The following UGT1A6 variants were observed in gnomAD, a reference collection of about 807,000 sequenced individuals.
UGT1A6 encodes UDP glucuronosyltransferase family 1 member A6, also known as UDP-glucuronosyltransferase 1A6.
UGT1A6 carries 32 observed loss-of-function variants against 44.4 expected under a neutral mutation model. The ratio of observed to expected loss-of-function variants is 0.72; its 90% CI spans 0.54 to 0.97. The LOEUF is 0.97. UGT1A6 is among the 50% of genes least tolerant of loss of function. The probability of loss-of-function intolerance (pLI) is 0.00; values close to 1 mark genes in which losing one functional copy is unlikely to be tolerated. For missense variants in UGT1A6, 685 were observed against 661.9 expected (o/e 1.03, Z -0.38); for synonymous variants, 238 against 248.5 (o/e 0.96, Z 0.40).
At position 233,693,494 on chromosome 2, in the gene UGT1A6, G is replaced by A. The variant is rs1459595620; in HGVS notation, c.490G>A (p.Gly164Ser). The change falls in exon 1 of 5, where the codon GGC becomes AGC. Residue 164 changes from glycine (G) to serine (S), a missense_variant. Transcript: ENST00000305139. ...PCGVILAEYL[G>S]LPSVYLFRGF... Reference sequence around the variant, plus strand: ...TGGGGTGATCCTGGCTGAGTATTTGGGCCTACCATCTGTGTACCTCTTCAG... The same window carrying A: ...TGGGGTGATCCTGGCTGAGTATTTGAGCCTACCATCTGTGTACCTCTTCAG... 6.2e-7 allele frequency: 1 copy of A among 1,614,090 alleles called. No individual in the cohort carries two copies. The highest frequency in any genetic ancestry group is 2.2e-5 in the East Asian group (1 of 44,870).
intron 1 of UGT1A6, among the ~76,000 whole-genome samples, chr2:233,709,057 T>C (rs949719159): frequency 1.3e-5 from 2 of 151,522 alleles, no homozygotes; most frequent in African/African-American, 2.4e-5. Flanking sequence ...CCAGGATTCC[T>C]AGTTAAAGTT....
chr2:233,711,509 G>T (rs868625477), intron 1 of UGT1A6, among the ~76,000 whole-genome samples: 1 of 152,158 alleles, frequency 6.6e-6, no homozygotes, highest in Non-Finnish European at 1.5e-5. Flanking sequence ...CCTTTCTAGC[G>T]CTCTGTGTCC....
intron 1 of UGT1A6, among the ~76,000 whole-genome samples, chr2:233,739,394 A>AC (rs1399840083): frequency 1.3e-5 from 2 of 152,222 alleles, no homozygotes; most frequent in Non-Finnish European, 1.5e-5. Flanking sequence ...AGCCACAGAC[A>AC]TCAATGCCAC....
intron 1 of UGT1A6, chr2:233,753,778 CT>C (rs1025040138): frequency 6.6e-6 from 1 of 152,232 alleles, no homozygotes; most frequent in African/African-American, 2.4e-5. Flanking sequence ...AAACGCTTTT[CT>C]TTACATTTCC....
chr2:233,750,369 G>A (rs1694438903), intron 1 of UGT1A6, among the ~76,000 whole-genome samples: 1 of 151,932 alleles, frequency 6.6e-6, no homozygotes, highest in African/African-American at 2.4e-5. Flanking sequence ...TAAAAGGGAA[G>A]CAGAGCATAA....
intron 1 of UGT1A6, among the ~76,000 whole-genome samples, chr2:233,731,284 C>CTTTTTTTTTTTTT (rs78127606): frequency 7.2e-6 from 1 of 139,766 alleles, no homozygotes. Context: ...GTTTTTCTTT[C>CTTTTTTTTTTTTT]TTTTTTTTTT....
At chr2:233,708,113 A>G (rs956994077) in intron 1 of UGT1A6, among the ~76,000 whole-genome samples, 2 of 152,226 alleles carry the variant, frequency 1.3e-5, no homozygotes, top group African/African-American at 4.8e-5. Context: ...ACATCTTAGT[A>G]TATGACTCAC....
At chr2:233,754,325 C>T (rs537557157) in intron 1 of UGT1A6, 54 of 246,030 alleles carry the variant, frequency 2.2e-4, no homozygotes, top group African/African-American at 1.1e-3. Flanking sequence ...CTGCCTCAGG[C>T]TTAAGTTTAA....
intron 1 of UGT1A6, among the ~76,000 whole-genome samples, chr2:233,726,525 T>C (rs979255090): frequency 7.9e-5 from 12 of 152,244 alleles, no homozygotes; most frequent in Non-Finnish European, 1.5e-4. Context: ...TTTCCACTTT[T>C]AGGGAGATGC....
At chr2:233,750,521 T>C (rs528794181) in intron 1 of UGT1A6, 1 of 151,984 alleles carries the variant, frequency 6.6e-6, no homozygotes, top group East Asian at 1.9e-4. Context: ...GCCAAGACAA[T>C]GGGGAAAATG....
intron 1 of UGT1A6, among the ~76,000 whole-genome samples, chr2:233,727,242 A>C (rs2077595836): frequency 6.6e-6 from 1 of 152,070 alleles, no homozygotes. Flanking sequence ...CTCCAAGTCT[A>C]TCTGTGCAGC....
At chr2:233,757,535 A>AATATATATACATATATATATATAT (rs376887521) in intron 1 of UGT1A6, among the ~76,000 whole-genome samples, 7 of 88,250 alleles carry the variant, frequency 7.9e-5, no homozygotes, top group Non-Finnish European at 1.1e-4. Flanking sequence ...GCCTGTAAGG[A>AATATATATACATATATATATATAT]ATATATATAT....
chr2:233,718,076 T>C (rs2076626842), intron 1 of UGT1A6: 1 of 344,040 alleles, frequency 2.9e-6, no homozygotes, highest in Admixed American at 3.7e-5. Context: ...CTTGCTAGGG[T>C]TGTCTTGCCC....
chr2:233,757,535 A>AATATATATACATATAT (rs376887521), intron 1 of UGT1A6, among the ~76,000 whole-genome samples: 314 of 87,900 alleles, frequency 3.6e-3, no homozygotes, highest in Non-Finnish European at 5.4e-3. Context: ...GCCTGTAAGG[A>AATATATATACATATAT]ATATATATAT....
At position 233,769,650 on chromosome 2, in the gene UGT1A6, C is replaced by T. The variant is rs895944755; in HGVS notation, c.1301+1211C>T. The T allele has an allele frequency of 1.9e-6, 3 of 1,606,450 alleles. No homozygotes were observed. The South Asian group carries it at 3.3e-5, about 18-fold the overall frequency. The stretch of plus-strand genomic sequence containing the variant: ...ACAACAGGGGAGGACTGATGACTGA[C>T]TTCCCACCTTTGAGGTGCTAATGTG... On this transcript the variant is annotated intron_variant, in intron 4 of 4. Transcript: ENST00000305139. The surrounding 1 kb of genome is among the most constrained non-coding windows in gnomAD (Gnocchi z 4.4).
Position 233,768,439 on chromosome 2 carries a change from G to T in UGT1A6, c.1301G>T (p.Ser434Ile), listed in dbSNP as rs1306719122. 6.2e-7 allele frequency: 1 copy of T among 1,613,244 alleles called. No homozygotes were observed. Among genetic ancestry groups the T allele is most frequent in the South Asian group, 1.1e-5 (1 of 90,868 alleles). ...CTAAAAGCAGTCATCAATGACAAAAGGTAAGAAAGAAGATACAGAAGAATA... is the reference window on the plus strand; with the variant it reads ...CTAAAAGCAGTCATCAATGACAAAATGTAAGAAAGAAGATACAGAAGAATA... ...NALKAVINDK[S>I]YKENIMRLSS... Residue 434 changes from serine to isoleucine, a missense_variant and splice_region_variant, in exon 4 of 5, where the codon AGT becomes ATT. Transcript: ENST00000305139.
rs145878694 is a variant in UGT1A6, at chr2:233,769,172, G to A, written c.1301+733G>A. On this transcript the variant is annotated intron_variant, in intron 4 of 4. Transcript: ENST00000305139. The surrounding 1 kb of genome is among the most constrained non-coding windows in gnomAD (Gnocchi z 4.4). ...GAACCTGTGAGAAATTTTGTCCATG[G>A]AGTTTATGAATGAAGGAGCTATAAG... Among the ~76,000 whole-genome samples the A allele has an allele frequency of 2.1e-4, 32 of 152,304 alleles. No homozygotes were observed. The East Asian group carries it at 5.0e-3, about 24-fold the overall frequency.
chr2:233,767,779 A>G, intron 2 of UGT1A6, 70 bp from the exon 3 acceptor site: 1 of 1,612,962 alleles, frequency 6.2e-7, no homozygotes. Flanking sequence ...TTTTCTAGTT[A>G]GTATAGCAGA....
chr2:233,733,202 C>A (rs1192097385), intron 1 of UGT1A6, among the ~76,000 whole-genome samples: 2 of 152,102 alleles, frequency 1.3e-5, no homozygotes, highest in Non-Finnish European at 2.9e-5. Context: ...CTTAAGGAGA[C>A]TTTGGGCTGA....
Sources: gnomAD v4.1 joint callset for allele counts (sites outside exome capture counted in the v4.1 genomes callset) on GRCh38, gnomAD v4.1.1 for gene constraint, Gnocchi (gnomAD v3.1) non-coding constraint, MANE v1.5 for transcripts, NCBI Gene and HGNC (gene_info 2026-07-23, HGNC 2026-07-21) for gene names.